The following FHL2 variants were observed in gnomAD, a reference collection of about 807,000 sequenced individuals.
The protein encoded by FHL2 is four and a half LIM domains protein 2.
FHL2 carries 20 observed loss-of-function variants against 32.7 expected under a neutral mutation model. The ratio of observed to expected loss-of-function variants is 0.61; its 90% CI spans 0.43 to 0.89. The LOEUF (loss-of-function observed/expected upper bound fraction) is 0.89, where lower values mean the gene tolerates loss of function less well. Among genes scored for constraint, FHL2 ranks in the 40% least tolerant of loss-of-function variants. The pLI is 0.00. For missense variants in FHL2, 311 were observed against 358.6 expected (o/e 0.87, Z 1.07); for synonymous variants, 123 against 128.1 (o/e 0.96, Z 0.27).
At chr2:105,399,291 C>A (rs1409254079), upstream of FHL2, 2 of 1,535,792 alleles carry the variant, frequency 1.3e-6, no homozygotes, top group Admixed American at 2.0e-5. Context: ...TCGGGAGCGT[C>A]GCCTCCGGCG....
intron 6 of FHL2, 122 bp downstream of exon 6, chr2:105,363,163 T>G: frequency 3.4e-6 from 3 of 874,596 alleles, no homozygotes; most frequent in Non-Finnish European, 5.3e-6. Flanking sequence ...AAAAGTCTGC[T>G]GTGTTCAGAG....
chr2:105,399,825 G>A (rs564104419), upstream of FHL2, among the ~76,000 whole-genome samples: 3 of 152,276 alleles, frequency 2.0e-5, no homozygotes, highest in East Asian at 5.8e-4. Context: ...ATTTGCTCCT[G>A]AGCAGGTAAC....
intron 2 of FHL2, among the ~76,000 whole-genome samples, chr2:105,390,645 C>T (rs1438132948): frequency 6.6e-6 from 1 of 152,168 alleles, no homozygotes; most frequent in Admixed American, 6.5e-5. Flanking sequence ...AAGCAGGCCC[C>T]TGAAGGAGTT....
At chr2:105,383,886 A>G (rs1298219485) in intron 3 of FHL2, among the ~76,000 whole-genome samples, 1 of 152,260 alleles carries the variant, frequency 6.6e-6, no homozygotes, top group Non-Finnish European at 1.5e-5. Flanking sequence ...AAAATGTACA[A>G]AATCATACAG....
intron 1 of FHL2, among the ~76,000 whole-genome samples, chr2:105,406,225 G>A (rs1273504793): frequency 6.6e-6 from 1 of 152,160 alleles, no homozygotes; most frequent in Non-Finnish European, 1.5e-5. Flanking sequence ...GCATCTCCTG[G>A]CAGGACTGTT....
intron 5 of FHL2, among the ~76,000 whole-genome samples, chr2:105,366,756 A>T (rs1680660833): frequency 6.6e-6 from 1 of 151,884 alleles, no homozygotes; most frequent in South Asian, 2.1e-4. Context: ...TTATTTTTTT[A>T]ATTTTTTGAG....
chr2:105,399,222 C>G (rs1244582589), upstream of FHL2: 5 of 1,533,258 alleles, frequency 3.3e-6, no homozygotes, highest in East Asian at 4.9e-5. Flanking sequence ...CGGCCCGTAC[C>G]CTTTGTTTGC....
chr2:105,399,223 CTTTG>C (rs1312362856), upstream of FHL2: 2 of 1,533,516 alleles, frequency 1.3e-6, no homozygotes, highest in African/African-American at 2.7e-5. Flanking sequence ...GGCCCGTACC[CTTTG>C]TTTGCCAGGG....
chr2:105,402,191 G>GTA (rs928405048), upstream of FHL2, among the ~76,000 whole-genome samples: 15 of 148,798 alleles, frequency 1.0e-4, no homozygotes, highest in African/African-American at 3.2e-4. Flanking sequence ...ATGTATATAT[G>GTA]TATATATATG....
rs1205415027 is a variant in FHL2, at chr2:105,396,713, G to A, written c.-75-16C>T. The A allele has an allele frequency of 2.5e-6, 4 of 1,612,048 alleles. No individual in the cohort carries two copies. The highest frequency in any genetic ancestry group is 1.6e-4 in the Middle Eastern group (1 of 6,062). On this transcript the variant is annotated splice_polypyrimidine_tract_variant and intron_variant, in intron 1 of 6. Coordinates refer to ENST00000530340, the MANE Select transcript of FHL2 (RefSeq NM_001318895.3). Reference sequence around the variant, plus strand: ...TTCTCAGCCACTAGAGAAAGCACACGTGTTTTGTTTCAGATGGTCATCTTG... The same window carrying A: ...TTCTCAGCCACTAGAGAAAGCACACATGTTTTGTTTCAGATGGTCATCTTG...
At position 105,361,367 on chromosome 2, in the gene FHL2, CTTACAG is replaced by C; in HGVS notation, c.750_755del (p.Asn250_Cys251del). 6.2e-7 allele frequency: 1 copy of C among 1,614,188 alleles called. No homozygotes were observed. Among genetic ancestry groups the C allele is most frequent in the Non-Finnish European group, 8.5e-7 (1 of 1,179,994 alleles). On this transcript the variant is annotated inframe_deletion, in exon 7 of 7. Transcript: ENST00000530340. ...GCCCCACCAGTGAGAGGGAGCACTT[CTTACAG>C]TTAAAGCAGTCGTTATGCCACTGCC...
At chr2:105,372,388 G>A (rs545277907) in intron 4 of FHL2, among the ~76,000 whole-genome samples, 1 of 149,474 alleles carries the variant, frequency 6.7e-6, no homozygotes, top group African/African-American at 2.4e-5. Flanking sequence ...ACTATGCCCG[G>A]CTAATTTTTT....
At chr2:105,425,737 G>A (rs574884815) in intron 1 of FHL2, among the ~76,000 whole-genome samples, 3 of 151,792 alleles carry the variant, frequency 2.0e-5, no homozygotes, top group South Asian at 4.1e-4. Context: ...TTACGTGCAC[G>A]TCCAGTCATA....
intron 3 of FHL2, among the ~76,000 whole-genome samples, chr2:105,384,179 C>A (rs896052792): frequency 2.0e-5 from 3 of 152,208 alleles, no homozygotes; most frequent in Non-Finnish European, 4.4e-5. Context: ...TACCTTTTGC[C>A]AGATGATATC....
At position 105,373,621 on chromosome 2, in the gene FHL2, G is replaced by T. The variant is rs1681251273; in HGVS notation, c.269C>A (p.Thr90Lys). The stretch of plus-strand genomic sequence containing the variant: ...TGAGTACTCGTTGGAATAGCAGTCT[G>T]TACAGAGCAGCTGGTCCTCCTTGGC... ...FAAKEDQLLC[T>K]DCYSNEYSSK... is the part of the protein sequence containing the mutation. The change falls in exon 4 of 7, where the codon ACA (threonine) becomes AAA (lysine). Residue 90 changes from threonine to lysine, a missense_variant. By Grantham distance (78) the Thr-to-Lys change is moderately conservative (BLOSUM62 -1). Coordinates refer to ENST00000530340, the MANE Select transcript of FHL2 (RefSeq NM_001318895.3). The T allele has an allele frequency of 6.2e-7, 1 of 1,614,102 alleles. No homozygotes were observed. The highest frequency in any genetic ancestry group is 1.1e-5 in the South Asian group (1 of 91,094).
chr2:105,422,842 A>T (rs1412817439), intron 1 of FHL2, among the ~76,000 whole-genome samples: 1 of 152,210 alleles, frequency 6.6e-6, no homozygotes, highest in Admixed American at 6.5e-5. Context: ...TACCAAAATC[A>T]TTGCAGAACC....
chr2:105,407,666 G>T (rs1315607850), intron 1 of FHL2, among the ~76,000 whole-genome samples: 1 of 152,212 alleles, frequency 6.6e-6, no homozygotes, highest in African/African-American at 2.4e-5. Context: ...AGCATCCGCA[G>T]ATACAATGAA....
At chr2:105,380,595 G>A (rs6748187) in intron 3 of FHL2, among the ~76,000 whole-genome samples, 71,843 of 151,974 alleles carry the variant, frequency 0.47, 18,126 homozygotes, top group African/African-American at 0.65. Flanking sequence ...GCACCATGCC[G>A]GTAGCTTAAT....
At chr2:105,407,155 G>A (rs1183439890) in intron 1 of FHL2, among the ~76,000 whole-genome samples, 1 of 152,202 alleles carries the variant, frequency 6.6e-6, no homozygotes, top group Admixed American at 6.5e-5. Context: ...CACTTTGGGA[G>A]GCCAAGGTGG....
Sources: allele counts gnomAD v4.1 joint callset (sites outside exome capture counted in the v4.1 genomes callset), GRCh38; gene constraint gnomAD v4.1.1; transcripts MANE v1.5; gene names NCBI Gene and HGNC (gene_info 2026-07-23, HGNC 2026-07-21).